The following TPR variants were observed in gnomAD, a reference collection of about 807,000 sequenced individuals.
TPR encodes the protein nucleoprotein TPR.
Under a neutral mutation model 316.1 loss-of-function variants are expected in TPR, and 51 were observed. The observed-to-expected ratio is 0.16, with a 90% confidence interval of 0.13 to 0.20. The LOEUF (loss-of-function observed/expected upper bound fraction) is 0.20, where lower values mean the gene tolerates loss of function less well. Ranked by LOEUF, TPR falls within the 10% of genes least tolerant of loss-of-function variation. The pLI is 1.00. For synonymous variants in TPR, 981 were observed against 914.7 expected (o/e 1.07, Z -1.31); for missense variants, 2,272 against 2,754.8 (o/e 0.82, Z 3.92).
chr1:186,361,800 T>G lies in TPR; in HGVS notation c.859A>C (p.Asn287His). Residue 287 changes from asparagine to histidine, a missense_variant, in exon 8 of 51, where the codon AAT (asparagine) becomes CAT (histidine). Asn to His is a moderately conservative substitution (Grantham distance 68, BLOSUM62 1). This residue lies in a region of TPR where 549 missense variants were observed against 598.6 expected (regional missense o/e 0.92). Coordinates refer to ENST00000367478, the MANE Select transcript of TPR (RefSeq NM_003292.3). ...GGTGGGATATTTACCTTGTACAAAT[T>G]AGAAAGTTTTATGTGGGCATTTAAT... ...NELNAHIKLS[N>H]LYKSAADDSE... 1.2e-6 allele frequency: 2 copies of G among 1,613,178 alleles called. No individual in the cohort carries two copies. The highest frequency in any genetic ancestry group is 1.7e-6 in the Non-Finnish European group (2 of 1,179,330).
chr1:186,348,242 G>A (rs760127149), intron 21 of TPR, among the ~76,000 whole-genome samples: 1 of 152,070 alleles, frequency 6.6e-6, no homozygotes, highest in Non-Finnish European at 1.5e-5. Flanking sequence ...TGCGTCCCTG[G>A]GGGGAGGTCT....
rs1262844659 is a variant in TPR at position 186,370,997 on chromosome 1, A to T, written c.303T>A (p.Ile101=). The T allele has an allele frequency of 6.2e-7, 1 of 1,612,986 alleles. No homozygotes were observed. The highest frequency in any genetic ancestry group is 1.3e-5 in the African/African-American group (1 of 74,916). The change falls in exon 3 of 51, where the codon ATT becomes ATA. Residue 101 remains isoleucine, a synonymous_variant. Transcript: ENST00000367478. ...ALTEKNKELE[I]AQDRNIAIQS... ...GAATGGCAATATTGCGATCCTGAGC[A>T]ATTTCAAGTTCTTTGTTTTTCTCAG...
At chr1:186,357,967 T>G (rs1186693881) in intron 13 of TPR, among the ~76,000 whole-genome samples, 1 of 152,148 alleles carries the variant, frequency 6.6e-6, no homozygotes, top group Non-Finnish European at 1.5e-5. Context: ...GGGCAGAGCA[T>G]GAAAAATAGA....
At chr1:186,323,544 A>T (rs1054295711) in intron 43 of TPR, 142 bp downstream of exon 43, 1 of 730,306 alleles carries the variant, frequency 1.4e-6, no homozygotes, top group African/African-American at 1.9e-5. Flanking sequence ...AGAATTTTAT[A>T]AAAATATGCC....
intron 36 of TPR, 41 bp from the exon 37 acceptor site, chr1:186,333,435 T>C (rs1298174427): frequency 6.3e-7 from 1 of 1,593,518 alleles, no homozygotes; most frequent in Non-Finnish European, 8.6e-7. Context: ...CCTTCTACTT[T>C]TATCAAAGCT....
chr1:186,339,862 T>A, intron 29 of TPR, 90 bp from the exon 30 acceptor site: 2 of 1,093,104 alleles, frequency 1.8e-6, no homozygotes, highest in Non-Finnish European at 2.5e-6. Flanking sequence ...ATTATGTTTA[T>A]ATTAGGTGTC....
rs935018794 is a variant in TPR, at chr1:186,312,700, G to A, written c.*1271C>T. ...CTAAAACTGAGATTAAAACTCAGAT[G>A]TCTGGCTCTTTCCAAGATAGTACAT... On this transcript the variant is annotated 3_prime_UTR_variant, in exon 51 of 51. Transcript: ENST00000367478. The A allele has an allele frequency of 2.0e-6, 3 of 1,508,808 alleles. No individual in the cohort carries two copies. Among genetic ancestry groups the A allele is most frequent in the African/African-American group, 1.4e-5 (1 of 72,650 alleles). The allele number at this position is 1,508,808 out of a possible 1,614,324, so 93.5% of individuals were successfully genotyped here.
chr1:186,345,677 G>A lies in TPR; in HGVS notation c.3116C>T (p.Thr1039Ile), dbSNP rs200209324. 2,831 of 1,611,576 alleles carry A rather than the reference G, an allele frequency of 1.8e-3. 7 individuals carry two copies. Among genetic ancestry groups the A allele is most frequent in the Non-Finnish European group, 2.2e-3 (2,642 of 1,178,986 alleles). ...MEQQLSELKKTLSSVQNEVQE... is the reference protein window; with the variant it reads ...MEQQLSELKKILSSVQNEVQE... ...TACTTCATTCTGAACACTAGAAAGT[G>A]TTTTCTTCAATTCAGATAACTAAGC... Residue 1039 changes from threonine to isoleucine, a missense_variant, in exon 24 of 51, where the codon ACA becomes ATA. By Grantham distance (89) the Thr-to-Ile change is moderately conservative. This residue lies in a region of TPR where 757 missense variants were observed against 859.8 expected (regional missense o/e 0.88). Coordinates refer to ENST00000367478, the MANE Select transcript of TPR (RefSeq NM_003292.3).
In TPR at chr1:186,371,942, T is replaced by A. The variant is rs537696276; in HGVS notation, c.257-899A>T. Among the ~76,000 whole-genome samples, 3 of 152,266 alleles carry A rather than the reference T, an allele frequency of 2.0e-5. No individual in the cohort carries two copies. In the East Asian group the frequency reaches 5.8e-4, roughly 29 times the overall value. ...TCATCCCTTTTTCTCTTCTCCCAGATCTCGTAAAAGCTGTATTCAGTCATT... is the reference window on the plus strand; with the variant it reads ...TCATCCCTTTTTCTCTTCTCCCAGAACTCGTAAAAGCTGTATTCAGTCATT... On this transcript the variant is annotated intron_variant, in intron 2 of 50. Coordinates refer to ENST00000367478, the MANE Select transcript of TPR (RefSeq NM_003292.3).
At chr1:186,361,458 A>G (rs1659185501) in intron 9 of TPR, among the ~76,000 whole-genome samples, 164 bp downstream of exon 9, 2 of 151,948 alleles carry the variant, frequency 1.3e-5, no homozygotes. Flanking sequence ...ACATTTGCTT[A>G]AGATATAATT....
intron 3 of TPR, 140 bp from the exon 4 acceptor site, chr1:186,368,122 A>T (rs1659401713): frequency 1.8e-6 from 1 of 563,214 alleles, no homozygotes. Context: ...AAAGTTAAAA[A>T]ATACCCGTAA....
chr1:186,355,493 C>T lies in TPR; in HGVS notation c.2088G>A (p.Gln696=). Residue 696 remains glutamine, a synonymous_variant, in exon 17 of 51, where the codon CAG becomes CAA. Transcript: ENST00000367478. The stretch of plus-strand genomic sequence containing the variant: ...TAACTTGTTCTTGAAGTTTCTCAAG[C>T]TGCTCATTTTGTATTTTTTCATTTT... The part of the protein sequence containing the change: ...KAENEKIQNE[Q]LEKLQEQVTD... The T allele has an allele frequency of 1.2e-6, 2 of 1,612,488 alleles. No individual in the cohort carries two copies. The highest frequency in any genetic ancestry group is 1.7e-6 in the Non-Finnish European group (2 of 1,179,730).
Position 186,312,351 on chromosome 1 carries a change from A to C in TPR, c.*1620T>G, listed in dbSNP as rs1203795908. On this transcript the variant is annotated 3_prime_UTR_variant, in exon 51 of 51. Coordinates refer to ENST00000367478, the MANE Select transcript of TPR (RefSeq NM_003292.3). ...CATCAGAATTCAATATTCACCTGCC[A>C]GACTGGCTTATCAAGACAAAGGTAA... The C allele has an allele frequency of 1.9e-6, 3 of 1,608,790 alleles. No individual in the cohort carries two copies. The highest frequency in any genetic ancestry group is 2.5e-6 in the Non-Finnish European group (3 of 1,178,356).
rs74134827 is a variant in TPR at position 186,330,466 on chromosome 1, G to A, written c.5688+1032C>T. On this transcript the variant is annotated intron_variant, in intron 39 of 50. Coordinates refer to ENST00000367478, the MANE Select transcript of TPR (RefSeq NM_003292.3). The stretch of plus-strand genomic sequence containing the variant: ...AGTTCACCTTTTGTTCACTCTTCAC[G>A]TAAAGAGCCAAATTCCAGCTCATTT... 3.4e-3 allele frequency among the ~76,000 whole-genome samples: 523 copies of A among 152,152 alleles called. 4 individuals are homozygous for A. Among genetic ancestry groups the A allele is most frequent in the South Asian group, 0.011 (52 of 4,822 alleles).
intron 3 of TPR, among the ~76,000 whole-genome samples, chr1:186,369,334 C>A (rs1358252103): frequency 6.6e-6 from 1 of 152,064 alleles, no homozygotes; most frequent in Non-Finnish European, 1.5e-5. Context: ...AATCTTTTTA[C>A]CACTTTATAG....
intron 21 of TPR, among the ~76,000 whole-genome samples, chr1:186,349,219 G>A (rs1320985662): frequency 1.3e-5 from 2 of 152,156 alleles, no homozygotes; most frequent in African/African-American, 2.4e-5. Context: ...GAAGTGTTGA[G>A]TATTGCATGT....
At position 186,323,819 on chromosome 1, in the gene TPR, C is replaced by G; in HGVS notation, c.6164G>C (p.Arg2055Thr). 6.4e-7 allele frequency: 1 copy of G among 1,553,012 alleles called. No homozygotes were observed. Among genetic ancestry groups the G allele is most frequent in the Non-Finnish European group, 8.6e-7 (1 of 1,158,556 alleles). ...AGATGCTGATGATGGCTGTTGTTCT[C>G]TAGAAACCTCCTGAGAAAAAGAAGA... ...AESSFSQEVS[R>T]EQQPSSASER... The change falls in exon 43 of 51, where the codon AGA becomes ACA. Residue 2055 changes from arginine to threonine, a missense_variant. Physicochemically the swap from Arg to Thr is moderately conservative, Grantham distance 71. Transcript: ENST00000367478.
Position 186,343,435 on chromosome 1 carries a change from A to C in TPR, c.3641T>G (p.Phe1214Cys). ...CAGACTCTCAACCTGAGCCACCTCA[A>C]ACCTAGTTTCAGCAATTTCTTTTTC... ...RREKEIAETR[F>C]EVAQVESLRY... is the part of the protein sequence containing the mutation. The change falls in exon 27 of 51, where the codon TTT (phenylalanine) becomes TGT (cysteine). Residue 1214 changes from phenylalanine to cysteine, a missense_variant. Phe to Cys is a radical substitution (Grantham distance 205, BLOSUM62 -2). This residue lies in a region of TPR where 757 missense variants were observed against 859.8 expected (regional missense o/e 0.88). Coordinates refer to ENST00000367478, the MANE Select transcript of TPR (RefSeq NM_003292.3). 6.2e-7 allele frequency: 1 copy of C among 1,613,696 alleles called. No individual in the cohort carries two copies. Among genetic ancestry groups the C allele is most frequent in the Non-Finnish European group, 8.5e-7 (1 of 1,179,872 alleles).
intron 24 of TPR, among the ~76,000 whole-genome samples, chr1:186,345,075 T>C (rs1558013766): frequency 6.6e-6 from 1 of 151,446 alleles, no homozygotes; most frequent in Admixed American, 6.6e-5. Flanking sequence ...GTTTTATCAT[T>C]TCCTGTTCAT....
Sources: allele counts gnomAD v4.1 joint callset (sites outside exome capture counted in the v4.1 genomes callset), GRCh38; gene constraint gnomAD v4.1.1; regional missense constraint gnomAD v4.1.1; transcripts MANE v1.5; gene names NCBI Gene and HGNC (gene_info 2026-07-23, HGNC 2026-07-21).